Variants in STPG1 observed in about 807,000 individuals in gnomAD.
STPG1 encodes O(6)-methylguanine-induced apoptosis 2.
A neutral mutation model predicts 40.1 loss-of-function variants in STPG1; 33 were observed. The ratio of observed to expected loss-of-function variants is 0.82; its 90% CI spans 0.62 to 1.10. The LOEUF (loss-of-function observed/expected upper bound fraction) is 1.10. Ranked by LOEUF, STPG1 falls within the 50% of genes least tolerant of loss-of-function variation. The probability of loss-of-function intolerance (pLI) is 0.00; values close to 1 mark genes in which losing one functional copy is unlikely to be tolerated. For missense variants in STPG1, 396 were observed against 415.1 expected (o/e 0.95, Z 0.40); for synonymous variants, 150 against 155.0 (o/e 0.97, Z 0.24).
intron 3 of STPG1, among the ~76,000 whole-genome samples, chr1:24,384,959 C>G (rs762720572): frequency 6.6e-6 from 1 of 152,158 alleles, no homozygotes; most frequent in African/African-American, 2.4e-5. Context: ...TCACAACAAG[C>G]CTTTTACAGT....
At position 24,357,318 on chromosome 1, in the gene STPG1, C is replaced by T. The variant is rs1182091800; in HGVS notation, c.*1225G>A. 1 of 152,248 alleles carries T rather than the reference C, an allele frequency of 6.6e-6. No individual in the cohort carries two copies. The highest frequency in any genetic ancestry group is 1.9e-4 in the East Asian group (1 of 5,184). The allele number at this position is 152,248 out of a possible 1,614,324, so 9.4% of individuals were successfully genotyped here. Reference sequence around the variant, plus strand: ...CCATGCTGTAGGTGCTCCAGGTGCTCTGCGTGTACAAAGTTCCCACCTCCT... The same window carrying T: ...CCATGCTGTAGGTGCTCCAGGTGCTTTGCGTGTACAAAGTTCCCACCTCCT... On this transcript the variant is annotated 3_prime_UTR_variant, in exon 9 of 9. Coordinates refer to ENST00000337248, the MANE Select transcript of STPG1 (RefSeq NM_001199013.2).
At chr1:24,414,465 G>A (rs1643920098), upstream of STPG1, 1 of 150,526 alleles carries the variant, frequency 6.6e-6, no homozygotes. Flanking sequence ...CGGTCTCAGC[G>A]ACCTTGTCAC....
intron 1 of STPG1, among the ~76,000 whole-genome samples, chr1:24,402,775 A>C (rs985639784): frequency 1.3e-5 from 2 of 151,918 alleles, no homozygotes; most frequent in Non-Finnish European, 1.5e-5. Flanking sequence ...AAACAAAAAA[A>C]CAAAAAACCA....
At chr1:24,362,384 A>G (rs949474579) in intron 7 of STPG1, among the ~76,000 whole-genome samples, 1 of 152,192 alleles carries the variant, frequency 6.6e-6, no homozygotes, top group African/African-American at 2.4e-5. Flanking sequence ...ATGATGGCGG[A>G]GGGGACTGAG....
chr1:24,376,111 TC>T (rs1474662780), intron 5 of STPG1, among the ~76,000 whole-genome samples: 4 of 152,150 alleles, frequency 2.6e-5, no homozygotes, highest in African/African-American at 9.7e-5. Context: ...ACCTCCACTT[TC>T]CAGGTTCAAG....
chr1:24,370,974 G>A (rs2148686699), intron 6 of STPG1, among the ~76,000 whole-genome samples: 1 of 152,092 alleles, frequency 6.6e-6, no homozygotes, highest in East Asian at 1.9e-4. Flanking sequence ...TGTCTCCAAA[G>A]CCCACACTTC....
intron 1 of STPG1, chr1:24,410,748 G>A (rs942529830): frequency 3.3e-5 from 5 of 152,316 alleles, no homozygotes; most frequent in Non-Finnish European, 7.3e-5. Flanking sequence ...TGTGAACAGA[G>A]CACTGCCCAG....
chr1:24,384,104 C>T (rs1642402504), intron 3 of STPG1, 101 bp from the exon 4 acceptor site: 1 of 736,540 alleles, frequency 1.4e-6, no homozygotes, highest in Non-Finnish European at 2.4e-6. Context: ...TGTAATCCCA[C>T]AGCACAGGCG....
chr1:24,376,017 C>T (rs936787435), intron 5 of STPG1, among the ~76,000 whole-genome samples: 1 of 152,000 alleles, frequency 6.6e-6, no homozygotes, highest in African/African-American at 2.4e-5. Flanking sequence ...AAAGAAATTG[C>T]ATCTGGTTTT....
intron 1 of STPG1, among the ~76,000 whole-genome samples, chr1:24,407,176 T>A (rs1278247286): frequency 6.6e-6 from 1 of 152,200 alleles, no homozygotes; most frequent in Non-Finnish European, 1.5e-5. Context: ...TACCTTGGCA[T>A]AATTTTCTTT....
chr1:24,408,440 C>T (rs975846116), intron 1 of STPG1, among the ~76,000 whole-genome samples: 2 of 152,244 alleles, frequency 1.3e-5, no homozygotes, highest in South Asian at 2.1e-4. Context: ...GGTTTCTGAA[C>T]ATTTTTGGTG....
intron 5 of STPG1, among the ~76,000 whole-genome samples, chr1:24,375,673 T>C (rs999746233): frequency 3.3e-5 from 5 of 152,134 alleles, no homozygotes; most frequent in Admixed American, 3.3e-4. Flanking sequence ...AAGCACAGTG[T>C]GGCTAACAGG....
intron 2 of STPG1, among the ~76,000 whole-genome samples, chr1:24,400,873 T>C (rs1050370389): frequency 6.6e-6 from 1 of 152,142 alleles, no homozygotes; most frequent in Non-Finnish European, 1.5e-5. Flanking sequence ...ACACTAACTA[T>C]TGGGAAAGTT....
chr1:24,357,343 T>A lies in STPG1; in HGVS notation c.*1200A>T, dbSNP rs983707313. The A allele has an allele frequency of 6.6e-6, 1 of 152,264 alleles. No individual in the cohort carries two copies. The highest frequency in any genetic ancestry group is 1.5e-5 in the Non-Finnish European group (1 of 68,068). 9.4% of individuals were successfully genotyped at this position (152,264 alleles called of 1,614,324 possible). A position where few individuals can be genotyped will look rare whatever the true frequency, so the allele number is the denominator to read the frequency against. ...CTGCGTGTACAAAGTTCCCACCTCC[T>A]GAACTTCCCACCCAGCTCCCCTCCC... is the stretch of plus-strand genomic sequence containing the variant. On this transcript the variant is annotated 3_prime_UTR_variant, in exon 9 of 9. Coordinates refer to ENST00000337248, the MANE Select transcript of STPG1 (RefSeq NM_001199013.2).
At chr1:24,397,836 T>C (rs1163560332) in intron 2 of STPG1, among the ~76,000 whole-genome samples, 3 of 152,160 alleles carry the variant, frequency 2.0e-5, no homozygotes, top group African/African-American at 7.2e-5. Context: ...ACATGATGTT[T>C]ATTCACTGGT....
intron 7 of STPG1, among the ~76,000 whole-genome samples, chr1:24,367,685 T>G (rs1641539809): frequency 6.6e-6 from 1 of 152,058 alleles, no homozygotes; most frequent in Non-Finnish European, 1.5e-5. Flanking sequence ...CGCCCAGCTT[T>G]GTATTTTTAG....
At chr1:24,379,477 T>C in intron 5 of STPG1, 176 bp downstream of exon 5, 1 of 644,708 alleles carries the variant, frequency 1.6e-6, no homozygotes, top group African/African-American at 1.8e-5. Context: ...ATCTCTGGGG[T>C]CTGCAAATTC....
intron 5 of STPG1, among the ~76,000 whole-genome samples, chr1:24,377,350 C>T (rs115614637): frequency 0.013 from 2,052 of 152,262 alleles, 52 homozygotes; most frequent in African/African-American, 0.047. Flanking sequence ...CTCCTGGGAT[C>T]TTCAGGGCCC....
chr1:24,382,403 A>T (rs1475922519), intron 4 of STPG1, among the ~76,000 whole-genome samples: 3 of 152,190 alleles, frequency 2.0e-5, no homozygotes, highest in Non-Finnish European at 2.9e-5. Flanking sequence ...CATTTCACTC[A>T]TTGCAACGTT....
Sources: allele counts gnomAD v4.1 joint callset (sites outside exome capture counted in the v4.1 genomes callset), GRCh38; gene constraint gnomAD v4.1.1; transcripts MANE v1.5; gene names NCBI Gene and HGNC (gene_info 2026-07-23, HGNC 2026-07-21).